The following CFAP61 variants were observed in gnomAD, a reference collection of about 807,000 sequenced individuals.
CFAP61 encodes the protein cilia- and flagella-associated protein 61.
In CFAP61, 107 loss-of-function variants were observed where a neutral mutation model predicts 135.6. The ratio of observed to expected loss-of-function variants is 0.79; its 90% CI spans 0.67 to 0.93. CFAP61 has a LOEUF of 0.93. Ranked by LOEUF, CFAP61 falls within the 40% of genes least tolerant of loss-of-function variation. CFAP61 has a pLI of 0.00. For synonymous variants in CFAP61, 575 were observed against 578.5 expected (o/e 0.99, Z 0.09); for missense variants, 1,507 against 1,556.2 (o/e 0.97, Z 0.53).
intron 8 of CFAP61, among the ~76,000 whole-genome samples, chr20:20,139,544 G>C (rs1184077216): frequency 6.6e-6 from 1 of 152,262 alleles, no homozygotes; most frequent in Admixed American, 6.5e-5. Flanking sequence ...CACTGCCTCA[G>C]CTTTCCCCAG....
At chr20:20,189,265 G>A (rs149243858) in intron 14 of CFAP61, among the ~76,000 whole-genome samples, 133 of 152,032 alleles carry the variant, frequency 8.7e-4, no homozygotes, top group African/African-American at 3.0e-3. Flanking sequence ...GTTTGCTTTG[G>A]TTTGTCTTGC....
chr20:20,068,016 A>T (rs1028486019), intron 2 of CFAP61, among the ~76,000 whole-genome samples: 9 of 152,166 alleles, frequency 5.9e-5, no homozygotes, highest in African/African-American at 2.2e-4. Context: ...TCCCAGGCCA[A>T]CCCACAAAAG....
intron 7 of CFAP61, 103 bp downstream of exon 7, chr20:20,091,079 C>A: frequency 7.6e-7 from 1 of 1,322,816 alleles, no homozygotes; most frequent in Non-Finnish European, 1.1e-6. Flanking sequence ...GCCATTGTCT[C>A]CCTGGCCACC....
At chr20:20,182,783 TTTTG>T (rs1309961789) in intron 13 of CFAP61, among the ~76,000 whole-genome samples, 19 of 152,128 alleles carry the variant, frequency 1.2e-4, no homozygotes, top group South Asian at 4.1e-4. Flanking sequence ...TGTGTCCCAT[TTTTG>T]TTTGTTTGTT....
At chr20:20,219,514 A>G (rs902765180) in intron 17 of CFAP61, among the ~76,000 whole-genome samples, 1 of 152,220 alleles carries the variant, frequency 6.6e-6, no homozygotes, top group Non-Finnish European at 1.5e-5. Context: ...TCTCTGATAT[A>G]TCATATGTCC....
intron 25 of CFAP61, among the ~76,000 whole-genome samples, chr20:20,307,601 T>C (rs917417293): frequency 2.0e-5 from 3 of 152,228 alleles, no homozygotes; most frequent in African/African-American, 7.2e-5. Context: ...CTTCTTTTAA[T>C]AATTTAAATG....
At chr20:20,315,526 A>G (rs894688782) in intron 25 of CFAP61, among the ~76,000 whole-genome samples, 1 of 152,054 alleles carries the variant, frequency 6.6e-6, no homozygotes, top group African/African-American at 2.4e-5. Flanking sequence ...TGCTGTGCAG[A>G]AGCTCTTGAG....
At chr20:20,148,627 T>C (rs1190552958) in intron 9 of CFAP61, among the ~76,000 whole-genome samples, 4 of 152,230 alleles carry the variant, frequency 2.6e-5, no homozygotes, top group African/African-American at 9.6e-5. Context: ...TGTACATTAA[T>C]TTTGTAACCT....
At chr20:20,173,882 G>A (rs1254012245) in intron 13 of CFAP61, among the ~76,000 whole-genome samples, 8 of 152,058 alleles carry the variant, frequency 5.3e-5, no homozygotes, top group African/African-American at 9.7e-5. Flanking sequence ...CTGTAGTAGC[G>A]GCCTTGTTCT....
chr20:20,271,768 T>C (rs2053376545), intron 21 of CFAP61, among the ~76,000 whole-genome samples: 1 of 152,230 alleles, frequency 6.6e-6, no homozygotes, highest in African/African-American at 2.4e-5. Flanking sequence ...TCATTTGTTA[T>C]TTGCCATTTG....
intron 18 of CFAP61, among the ~76,000 whole-genome samples, chr20:20,244,634 G>C (rs1241574469): frequency 6.6e-6 from 1 of 152,234 alleles, no homozygotes; most frequent in Non-Finnish European, 1.5e-5. Flanking sequence ...AGGGGCTGCT[G>C]TCTCTGACAT....
At chr20:20,313,002 C>T (rs73287375) in intron 25 of CFAP61, among the ~76,000 whole-genome samples, 5,695 of 152,224 alleles carry the variant, frequency 0.037, 364 homozygotes, top group African/African-American at 0.13. Context: ...GATAGCCTTG[C>T]GTATAGCCCC....
chr20:20,070,709 G>A, intron 2 of CFAP61, 145 bp from the exon 3 acceptor site: 2 of 655,786 alleles, frequency 3.0e-6, no homozygotes, highest in South Asian at 3.9e-5. Flanking sequence ...CAAAGTGGCT[G>A]CAATATCATT....
At chr20:20,274,454 A>T (rs182250062) in intron 21 of CFAP61, among the ~76,000 whole-genome samples, 2 of 152,326 alleles carry the variant, frequency 1.3e-5, no homozygotes, top group Non-Finnish European at 2.9e-5. Flanking sequence ...TGAGGTCAAG[A>T]GTTCAAGACC....
At chr20:20,237,871 C>A (rs1601559843) in intron 18 of CFAP61, among the ~76,000 whole-genome samples, 1 of 152,112 alleles carries the variant, frequency 6.6e-6, no homozygotes, top group African/African-American at 2.4e-5. Context: ...AATTCATTTT[C>A]TTGTTAGGTT....
intron 18 of CFAP61, among the ~76,000 whole-genome samples, chr20:20,236,115 T>C (rs1362889959): frequency 6.6e-6 from 1 of 152,202 alleles, no homozygotes; most frequent in Non-Finnish European, 1.5e-5. Flanking sequence ...ATTTTAGGGT[T>C]AATATTAAGT....
At chr20:20,271,767 AT>A (rs1346806230) in intron 21 of CFAP61, among the ~76,000 whole-genome samples, 1 of 152,148 alleles carries the variant, frequency 6.6e-6, no homozygotes. Flanking sequence ...ATCATTTGTT[AT>A]TTGCCATTTG....
chr20:20,106,049 T>TAA (rs138628144), intron 8 of CFAP61, among the ~76,000 whole-genome samples: 2 of 105,966 alleles, frequency 1.9e-5, no homozygotes, highest in Admixed American at 9.1e-5. Flanking sequence ...TATATATATA[T>TAA]AAAATTTGAT....
At chr20:20,208,940 TG>T (rs1012404717) in intron 17 of CFAP61, among the ~76,000 whole-genome samples, 24 of 151,852 alleles carry the variant, frequency 1.6e-4, no homozygotes, top group African/African-American at 5.3e-4. Flanking sequence ...CTCTTTGGGG[TG>T]GGGGGGCATG....
Sources: allele counts gnomAD v4.1 joint callset (sites outside exome capture counted in the v4.1 genomes callset), GRCh38; gene constraint gnomAD v4.1.1; transcripts MANE v1.5; gene names NCBI Gene and HGNC (gene_info 2026-07-23, HGNC 2026-07-21).